WNT7B: variants seen among roughly 807,000 people sequenced by gnomAD.
The protein encoded by WNT7B is Wnt family member 7B, also known as protein Wnt-7b.
WNT7B carries 19 observed loss-of-function variants against 38.2 expected under a neutral mutation model. That is an observed-to-expected ratio of 0.50 (90% CI 0.35 to 0.73). WNT7B has a LOEUF of 0.73. Ranked by LOEUF, WNT7B falls within the 30% of genes least tolerant of loss-of-function variation. The pLI, the probability that WNT7B is intolerant of heterozygous loss-of-function variation, is 0.01. For missense variants in WNT7B, 423 were observed against 507.9 expected (o/e 0.83, Z 1.61); for synonymous variants, 243 against 209.3 (o/e 1.16, Z -1.39).
chr22:45,960,120 C>T (rs551796470), intron 1 of WNT7B, among the ~76,000 whole-genome samples: 16 of 152,340 alleles, frequency 1.1e-4, no homozygotes, highest in African/African-American at 3.6e-4. Flanking sequence ...ATCATGGCCT[C>T]GGGGCCTGCC....
intron 3 of WNT7B, among the ~76,000 whole-genome samples, chr22:45,930,499 A>C (rs760071280): frequency 6.6e-6 from 1 of 152,156 alleles, no homozygotes; most frequent in Non-Finnish European, 1.5e-5. Context: ...CCTCATCTCC[A>C]GTGGGCGGGG....
intron 3 of WNT7B, chr22:45,927,542 A>G (rs1931126466): frequency 1.1e-5 from 17 of 1,481,074 alleles, no homozygotes; most frequent in African/African-American, 1.4e-5. Flanking sequence ...GAAACAACGG[A>G]GAGGAGGTCA....
chr22:45,952,780 T>C (rs1170926540), intron 1 of WNT7B, among the ~76,000 whole-genome samples: 1 of 152,222 alleles, frequency 6.6e-6, no homozygotes, highest in African/African-American at 2.4e-5. Context: ...ACCAGCCAGC[T>C]GTCCACCACC....
In WNT7B at chr22:45,925,842, G is replaced by A. The variant is rs886130263; in HGVS notation, c.571-2507C>T. 3.3e-5 allele frequency: 33 copies of A among 985,308 alleles called. No homozygotes were observed. In the African/African-American group the frequency reaches 3.8e-4, roughly 11 times the overall value. The allele number at this position is 985,308 out of a possible 1,614,324, so 61.0% of individuals were successfully genotyped here. ...CCTCCTCAGATGGGCCTGGATGGCC[G>A]GAGACCTGGCAGGCCTGTCCAGACT... is the stretch of plus-strand genomic sequence containing the variant. On this transcript the variant is annotated intron_variant, in intron 3 of 3. Transcript: ENST00000339464.
At chr22:45,928,978 C>G (rs1931193595) in intron 3 of WNT7B, among the ~76,000 whole-genome samples, 1 of 117,884 alleles carries the variant, frequency 8.5e-6, no homozygotes, top group African/African-American at 3.6e-5. Context: ...GGGACCCGAG[C>G]TTAAGCCTCC....
intron 1 of WNT7B, chr22:45,972,362 T>TCTCGTGGGCCCGGGCGCAGTTGTCG: frequency 2.9e-6 from 1 of 344,566 alleles, no homozygotes; most frequent in Non-Finnish European, 5.2e-6. Context: ...AGGGGCCGGG[T>TCTCGTGGGCCCGGGCGCAGTTGTCG]CTCGTGGGCC....
intron 1 of WNT7B, among the ~76,000 whole-genome samples, chr22:45,956,054 G>A (rs1932053698): frequency 6.6e-6 from 1 of 152,176 alleles, no homozygotes. Context: ...GGACACTCCA[G>A]CCCCTTCAAC....
intron 3 of WNT7B, chr22:45,925,372 C>A: frequency 3.0e-6 from 3 of 985,312 alleles, no homozygotes; most frequent in Non-Finnish European, 2.4e-6. Flanking sequence ...ACTGGAGAGA[C>A]TTGAGGGAGG....
intron 3 of WNT7B, chr22:45,927,145 C>G (rs1384658303): frequency 1.0e-6 from 1 of 984,460 alleles, no homozygotes; most frequent in Non-Finnish European, 1.2e-6. Flanking sequence ...CTCTGTCTGC[C>G]CTGCTGACCT....
intron 1 of WNT7B, among the ~76,000 whole-genome samples, chr22:45,955,771 C>G (rs562918773): frequency 4.6e-5 from 7 of 152,248 alleles, no homozygotes; most frequent in Admixed American, 1.3e-4. Context: ...GCAGGGAGGG[C>G]GCTTATGGGA....
At chr22:45,928,115 G>A (rs937266887) in intron 3 of WNT7B, among the ~76,000 whole-genome samples, 1 of 152,322 alleles carries the variant, frequency 6.6e-6, no homozygotes. Context: ...GAGAACAGGT[G>A]TCCTTTGCTC....
intron 2 of WNT7B, among the ~76,000 whole-genome samples, chr22:45,940,118 G>A (rs889514079): frequency 6.6e-6 from 1 of 152,182 alleles, no homozygotes; most frequent in East Asian, 1.9e-4. Flanking sequence ...TGTGAAGTAT[G>A]TGGATTAGAT....
At position 45,926,082 on chromosome 22, in the gene WNT7B, T is replaced by C. The variant is rs535139015; in HGVS notation, c.571-2747A>G. ...TCCCGCAGGGCCAGGCCCGTGACCA[T>C]CCGCAAATAAAGCCTACTGGGCCGC... On this transcript the variant is annotated intron_variant, in intron 3 of 3. Transcript: ENST00000339464. 4 of 985,352 alleles carry C rather than the reference T, an allele frequency of 4.1e-6. No homozygotes were observed. The Admixed American group carries it at 2.5e-4, about 61-fold the overall frequency. 61.0% of individuals were successfully genotyped at this position (985,352 alleles called of 1,614,324 possible). A position where few individuals can be genotyped will look rare whatever the true frequency, so the allele number is the denominator to read the frequency against.
chr22:45,927,894 TCAAAA>T (rs772341376), intron 3 of WNT7B, among the ~76,000 whole-genome samples: 16 of 152,172 alleles, frequency 1.1e-4, no homozygotes, highest in East Asian at 3.9e-4. Flanking sequence ...AGACTCCATC[TCAAAA>T]CAAAGAGATG....
rs1387625909 is a variant in WNT7B, at chr22:45,921,238, G to C, written c.*1618C>G. The C allele has an allele frequency of 6.6e-6, 1 of 152,312 alleles. No individual in the cohort carries two copies. The highest frequency in any genetic ancestry group is 1.5e-5 in the Non-Finnish European group (1 of 68,118). The allele number at this position is 152,312 out of a possible 1,614,324, so 9.4% of individuals were successfully genotyped here. A position where few individuals can be genotyped will look rare whatever the true frequency, so the allele number is the denominator to read the frequency against. ...GTCACTCATGCTCCTCAGAGACAGG[G>C]GTGGGAGCATCCAGAAAGGACATGT... On this transcript the variant is annotated 3_prime_UTR_variant, in exon 4 of 4. Transcript: ENST00000339464.
chr22:45,948,517 C>T (rs1046410403), intron 2 of WNT7B, among the ~76,000 whole-genome samples: 3 of 152,368 alleles, frequency 2.0e-5, no homozygotes, highest in East Asian at 1.9e-4. Context: ...CGGCTCTGCT[C>T]GGCTCCAGGA....
At chr22:45,964,198 T>C (rs1932259962) in intron 1 of WNT7B, among the ~76,000 whole-genome samples, 2 of 151,914 alleles carry the variant, frequency 1.3e-5, no homozygotes, top group South Asian at 4.2e-4. Flanking sequence ...ACTGACTCCC[T>C]ATCCGGTGCT....
chr22:45,937,034 CGGA>C (rs1931530768), intron 2 of WNT7B, among the ~76,000 whole-genome samples: 1 of 152,024 alleles, frequency 6.6e-6, no homozygotes, highest in Non-Finnish European at 1.5e-5. Context: ...ATTAACTGCA[CGGA>C]GGAGGAGGTG....
intron 3 of WNT7B, chr22:45,926,220 T>C: frequency 1.0e-6 from 1 of 985,398 alleles, no homozygotes; most frequent in African/African-American, 1.7e-5. Context: ...TCCAGTGCCC[T>C]GGGCATTCGA....
Sources: allele counts gnomAD v4.1 joint callset (sites outside exome capture counted in the v4.1 genomes callset), GRCh38; gene constraint gnomAD v4.1.1; transcripts MANE v1.5; gene names NCBI Gene and HGNC (gene_info 2026-07-23, HGNC 2026-07-21).